Variants in WDFY4 observed in about 807,000 individuals in gnomAD.
WDFY4 encodes WDFY family member 4.
A neutral mutation model predicts 351.9 loss-of-function variants in WDFY4; 169 were observed. The ratio of observed to expected loss-of-function variants is 0.48; its 90% CI spans 0.42 to 0.55. The LOEUF (loss-of-function observed/expected upper bound fraction) is 0.55. Ranked by LOEUF, WDFY4 falls within the 20% of genes least tolerant of loss-of-function variation. The pLI, the probability that WDFY4 is intolerant of heterozygous loss-of-function variation, is 0.00. For synonymous variants in WDFY4, 1,622 were observed against 1,574.6 expected (o/e 1.03, Z -0.71); for missense variants, 3,803 against 3,935.6 (o/e 0.97, Z 0.90).
At chr10:48,908,303 C>T (rs1056941928) in intron 47 of WDFY4, among the ~76,000 whole-genome samples, 3 of 152,218 alleles carry the variant, frequency 2.0e-5, no homozygotes, top group Non-Finnish European at 4.4e-5. Flanking sequence ...GATGAGCAAC[C>T]CACTGGTTCA....
At chr10:48,923,211 G>A (rs1031265282) in intron 47 of WDFY4, among the ~76,000 whole-genome samples, 6 of 152,018 alleles carry the variant, frequency 3.9e-5, no homozygotes, top group Non-Finnish European at 5.9e-5. Context: ...GTAGCATCTG[G>A]GCACCACTGT....
At chr10:48,803,423 G>T in intron 25 of WDFY4, 64 bp downstream of exon 25, 2 of 1,502,906 alleles carry the variant, frequency 1.3e-6, no homozygotes, top group Middle Eastern at 1.7e-4. Context: ...ACAGAGACAG[G>T]GCAGGGTGGC....
intron 57 of WDFY4, among the ~76,000 whole-genome samples, chr10:48,971,427 C>T (rs911444659): frequency 1.3e-5 from 2 of 151,480 alleles, no homozygotes; most frequent in African/African-American, 2.4e-5. Flanking sequence ...ACCCGGGAGG[C>T]GGAGCTTGCA....
At chr10:48,971,653 G>T (rs1043547225) in intron 57 of WDFY4, among the ~76,000 whole-genome samples, 1 of 152,162 alleles carries the variant, frequency 6.6e-6, no homozygotes, top group Non-Finnish European at 1.5e-5. Context: ...ACCCTAGACC[G>T]TGTCCTTGTC....
At chr10:48,915,688 C>T (rs1188866086) in intron 47 of WDFY4, among the ~76,000 whole-genome samples, 2 of 152,166 alleles carry the variant, frequency 1.3e-5, no homozygotes, top group Non-Finnish European at 2.9e-5. Context: ...CTGAAAATCC[C>T]ACTGTCACCA....
chr10:48,731,001 T>C, intron 8 of WDFY4, 109 bp from the exon 9 acceptor site: 1 of 1,229,642 alleles, frequency 8.1e-7, no homozygotes, highest in South Asian at 1.6e-5. Context: ...CCCATAGGAG[T>C]TAGAACACAG....
At chr10:48,951,190 T>C (rs78158559) in intron 51 of WDFY4, among the ~76,000 whole-genome samples, 4,703 of 152,316 alleles carry the variant, frequency 0.031, 73 homozygotes, top group Middle Eastern at 0.078. Flanking sequence ...GTTTGTTTGT[T>C]TTTCTGTCCC....
intron 1 of WDFY4, among the ~76,000 whole-genome samples, chr10:48,706,573 C>T (rs2063634458): frequency 6.6e-6 from 1 of 152,182 alleles, no homozygotes; most frequent in African/African-American, 2.4e-5. Flanking sequence ...AAAAAGATTA[C>T]ACATAGGGAA....
rs565378457 is a variant in WDFY4 at position 48,859,672 on chromosome 10, G to A, written c.6664-7593G>A. ...TGAACAAATAGTTTTCTCTTTTTTCGTACTGTTTGTCTAGTTTTGTTATCA... is the reference window on the plus strand; with the variant it reads ...TGAACAAATAGTTTTCTCTTTTTTCATACTGTTTGTCTAGTTTTGTTATCA... On this transcript the variant is annotated intron_variant, in intron 39 of 61. Transcript: ENST00000325239. Among the ~76,000 whole-genome samples the A allele has an allele frequency of 1.6e-3, 236 of 152,012 alleles. 1 individual carries two copies. Among genetic ancestry groups the A allele is most frequent in the African/African-American group, 5.2e-3 (216 of 41,466 alleles).
At chr10:48,935,259 A>G (rs1840281186) in intron 47 of WDFY4, 1 of 152,232 alleles carries the variant, frequency 6.6e-6, no homozygotes. Flanking sequence ...GGTCATTAGC[A>G]CAGTCTTGAC....
rs947879902 is a variant in WDFY4, at chr10:48,707,619, C to T, written c.-17-2097C>T. 2.6e-5 allele frequency among the ~76,000 whole-genome samples: 4 copies of T among 152,140 alleles called. No homozygotes were observed. In the South Asian group the frequency reaches 8.3e-4, roughly 32 times the overall value. On this transcript the variant is annotated intron_variant, in intron 1 of 61. Transcript: ENST00000325239. The stretch of plus-strand genomic sequence containing the variant: ...AATGAACTTGACAAACACAGAGACA[C>T]GTGGTGGAGTCTGAAGACATAATGC...
chr10:48,904,518 G>A (rs577986406), intron 47 of WDFY4, among the ~76,000 whole-genome samples: 83 of 152,096 alleles, frequency 5.5e-4, no homozygotes, highest in Non-Finnish European at 1.1e-3. Flanking sequence ...TGGCTGGACC[G>A]CTAGGCACAA....
chr10:48,913,816 G>T, intron 47 of WDFY4: 1 of 1,614,080 alleles, frequency 6.2e-7, no homozygotes, highest in South Asian at 1.1e-5. Flanking sequence ...AGCTCCACGG[G>T]CAGCCCGTTG....
intron 23 of WDFY4, among the ~76,000 whole-genome samples, chr10:48,794,663 G>A (rs1244209823): frequency 6.6e-6 from 1 of 152,050 alleles, no homozygotes; most frequent in African/African-American, 2.4e-5. Flanking sequence ...GAAGCAAGAG[G>A]GAAGAAAAAT....
Position 48,982,578 on chromosome 10 carries a change from A to AGAGAG in WDFY4, c.*4_*8dup. ...TCTGCTGGTCTGCAGATGGGTAGGA[A>AGAGAG]GAGAGAGGCAGCAGAGGCTCTGGCA... On this transcript the variant is annotated 3_prime_UTR_variant, in exon 62 of 62. Transcript: ENST00000325239. 6.5e-7 allele frequency: 1 copy of AGAGAG among 1,549,406 alleles called. No homozygotes were observed. Among genetic ancestry groups the AGAGAG allele is most frequent in the Non-Finnish European group, 8.7e-7 (1 of 1,145,574 alleles).
intron 47 of WDFY4, among the ~76,000 whole-genome samples, chr10:48,903,129 A>G (rs1217669941): frequency 6.6e-6 from 1 of 152,156 alleles, no homozygotes; most frequent in Non-Finnish European, 1.5e-5. Context: ...GTGGAGAAAC[A>G]TGTTATGCAG....
At chr10:48,836,588 T>C (rs1473560750) in intron 39 of WDFY4, among the ~76,000 whole-genome samples, 3 of 152,240 alleles carry the variant, frequency 2.0e-5, no homozygotes, top group African/African-American at 7.2e-5. Flanking sequence ...ATAATTCCTC[T>C]TACCTATCTT....
chr10:48,957,175 G>C lies in WDFY4; in HGVS notation c.8024G>C (p.Ser2675Thr), dbSNP rs1033651627. 2 of 1,551,638 alleles carry C rather than the reference G, an allele frequency of 1.3e-6. No individual in the cohort carries two copies. Among genetic ancestry groups the C allele is most frequent in the East Asian group, 4.9e-5 (2 of 40,912 alleles). The change falls in exon 52 of 62, where the codon AGC (serine) becomes ACC (threonine). Residue 2675 changes from serine (S) to threonine (T), a missense_variant. Physicochemically the swap from Ser to Thr is moderately conservative, Grantham distance 58. This residue lies in a region of WDFY4 where 3,054 missense variants were observed against 3,148.6 expected (regional missense o/e 0.97). Transcript: ENST00000325239. ...VADRMFHSVKSTWESASRENM... is the reference protein window; with the variant it reads ...VADRMFHSVKTTWESASRENM... ...GACAGAATGTTCCACAGTGTGAAGA[G>C]CACGTGGGAGTCGGCCTCCAGAGAG...
intron 11 of WDFY4, among the ~76,000 whole-genome samples, chr10:48,739,660 A>T (rs2064789660): frequency 6.6e-6 from 1 of 152,244 alleles, no homozygotes; most frequent in African/African-American, 2.4e-5. Context: ...GAGGAGTCTA[A>T]GTTCTAATGA....
Sources: allele counts gnomAD v4.1 joint callset (sites outside exome capture counted in the v4.1 genomes callset), GRCh38; gene constraint gnomAD v4.1.1; regional missense constraint gnomAD v4.1.1; transcripts MANE v1.5; gene names NCBI Gene and HGNC (gene_info 2026-07-23, HGNC 2026-07-21).